Variants in ZNF705G observed in about 807,000 individuals in gnomAD.
The protein encoded by ZNF705G is zinc finger protein 705G, also known as putative zinc finger protein 705G.
Under a neutral mutation model 19.6 loss-of-function variants are expected in ZNF705G, and 23 were observed. The observed-to-expected ratio is 1.17, with a 90% confidence interval of 0.84 to 1.66. ZNF705G has a LOEUF of 1.66. Ranked by LOEUF, ZNF705G falls within the 40% of genes most tolerant of loss-of-function variation. ZNF705G has a pLI of 0.00. For synonymous variants in ZNF705G, 146 were observed against 117.7 expected (o/e 1.24, Z -1.56); for missense variants, 457 against 354.4 (o/e 1.29, Z -2.32).
At chr8:7,359,884 A>G (rs1426673781) in intron 5 of ZNF705G, among the ~76,000 whole-genome samples, 183 bp from the exon 6 acceptor site, 1 of 149,654 alleles carries the variant, frequency 6.7e-6, no homozygotes, top group Non-Finnish European at 1.5e-5. Context: ...AAATATTTTT[A>G]AAATTAAAAT....
chr8:7,359,549 T>C (rs1806472132), intron 6 of ZNF705G, 70 bp downstream of exon 6: 7 of 1,593,978 alleles, frequency 4.4e-6, no homozygotes, highest in Non-Finnish European at 5.1e-6. Flanking sequence ...GTGATTGTGC[T>C]TCATTACTAA....
rs1415291868 is a variant in ZNF705G at position 7,357,262 on chromosome 8, G to C, written c.*714C>G. On this transcript the variant is annotated 3_prime_UTR_variant, in exon 7 of 7. Coordinates refer to ENST00000400156, the MANE Select transcript of ZNF705G (RefSeq NM_001164457.3). ...TAACTTCTCCAGTAAGAAGTATTTGGTATTCCAAGAGAATTCATTGCCCTT... is the reference window on the plus strand; with the variant it reads ...TAACTTCTCCAGTAAGAAGTATTTGCTATTCCAAGAGAATTCATTGCCCTT... 3 of 151,318 alleles carry C rather than the reference G, an allele frequency of 2.0e-5. No homozygotes were observed. Among genetic ancestry groups the C allele is most frequent in the African/African-American group, 5.1e-5 (2 of 39,150 alleles). 9.4% of individuals were successfully genotyped at this position (151,318 alleles called of 1,614,324 possible). A position where few individuals can be genotyped will look rare whatever the true frequency, so the allele number is the denominator to read the frequency against.
intron 2 of ZNF705G, among the ~76,000 whole-genome samples, chr8:7,370,763 C>CAT (rs1237513450): frequency 8.0e-6 from 1 of 124,616 alleles, no homozygotes. Context: ...TACATGCACA[C>CAT]ATATGTTCAT....
intron 5 of ZNF705G, 122 bp from the exon 6 acceptor site, chr8:7,359,823 G>A: frequency 7.0e-7 from 1 of 1,419,820 alleles, no homozygotes. Flanking sequence ...TGTGTCAAAT[G>A]AAGAAACTAC....
intron 2 of ZNF705G, among the ~76,000 whole-genome samples, chr8:7,364,302 A>G (rs1410890213): frequency 1.3e-5 from 2 of 149,722 alleles, no homozygotes; most frequent in Non-Finnish European, 2.9e-5. Context: ...TATTTTATGT[A>G]CAAATGATAA....
At chr8:7,372,357 T>G (rs1223242402) in intron 2 of ZNF705G, among the ~76,000 whole-genome samples, 1 of 152,134 alleles carries the variant, frequency 6.6e-6, no homozygotes, top group Non-Finnish European at 1.5e-5. Flanking sequence ...CCAATAGATC[T>G]CGACCTTTAT....
rs545975457 is a variant in ZNF705G, at chr8:7,370,138, C to G, written c.-71-7121G>C. Among the ~76,000 whole-genome samples, 490 of 147,814 alleles carry G rather than the reference C, an allele frequency of 3.3e-3. 46 individuals are homozygous for G. Among genetic ancestry groups the G allele is most frequent in the African/African-American group, 0.012 (465 of 37,778 alleles). On this transcript the variant is annotated intron_variant, in intron 2 of 6. Transcript: ENST00000400156. ...TACAAAAAATTAGCTGGGCATGGTG[C>G]CGGGTGCCTGTAGTCCCAGCTACTT... is the stretch of plus-strand genomic sequence containing the variant.
At chr8:7,370,377 G>A (rs1319115691) in intron 2 of ZNF705G, among the ~76,000 whole-genome samples, 2 of 149,354 alleles carry the variant, frequency 1.3e-5, no homozygotes, top group Non-Finnish European at 2.9e-5. Flanking sequence ...AATCATCAGG[G>A]GGATGTAAAT....
intron 6 of ZNF705G, among the ~76,000 whole-genome samples, chr8:7,358,785 T>C (rs571368496): frequency 6.7e-6 from 1 of 149,494 alleles, no homozygotes; most frequent in South Asian, 2.1e-4. Context: ...CTCCCCCTTC[T>C]GGTTCCTAAA....
At chr8:7,369,242 G>T (rs1419855543) in intron 2 of ZNF705G, among the ~76,000 whole-genome samples, 2 of 149,524 alleles carry the variant, frequency 1.3e-5, no homozygotes, top group Non-Finnish European at 2.9e-5. Context: ...TGGGGACACA[G>T]AGCCAAACCA....
In ZNF705G at chr8:7,376,446, G is replaced by T. The variant is rs1176517490; in HGVS notation, c.-72+5006C>A. Reference sequence around the variant, plus strand: ...CTCTTACTGCCAAGAAGTTATCATGGAAAAGGTGCTCTGTGTTACATACAA... The same window carrying T: ...CTCTTACTGCCAAGAAGTTATCATGTAAAAGGTGCTCTGTGTTACATACAA... On this transcript the variant is annotated intron_variant, in intron 2 of 6. Transcript: ENST00000400156. Among the ~76,000 whole-genome samples the T allele has an allele frequency of 2.7e-5, 3 of 112,332 alleles. 1 individual carries two copies. Among genetic ancestry groups the T allele is most frequent in the African/African-American group, 1.2e-4 (3 of 25,466 alleles). The allele number at this position is 112,332 out of a possible 152,430, so 73.7% of individuals were successfully genotyped here. A position where few individuals can be genotyped will look rare whatever the true frequency, so the allele number is the denominator to read the frequency against.
chr8:7,365,030 T>A lies in ZNF705G; in HGVS notation c.-71-2013A>T, dbSNP rs12676217. 5.4e-5 allele frequency among the ~76,000 whole-genome samples: 8 copies of A among 149,048 alleles called. 1 individual carries two copies. The highest frequency in any genetic ancestry group is 1.8e-4 in the African/African-American group (7 of 38,650). On this transcript the variant is annotated intron_variant, in intron 2 of 6. Coordinates refer to ENST00000400156, the MANE Select transcript of ZNF705G (RefSeq NM_001164457.3). ...TGTGTAATTATAACCCAAACATGAA[T>A]GAAAAGTCATTTAACTGGTCATATA...
At chr8:7,363,635 A>G (rs1261524989) in intron 2 of ZNF705G, among the ~76,000 whole-genome samples, 2 of 149,464 alleles carry the variant, frequency 1.3e-5, no homozygotes, top group African/African-American at 2.6e-5. Flanking sequence ...AGCCTGGCCA[A>G]CATGGTGAAA....
intron 2 of ZNF705G, among the ~76,000 whole-genome samples, chr8:7,369,467 C>T (rs1267669652): frequency 6.7e-6 from 1 of 149,488 alleles, no homozygotes; most frequent in Non-Finnish European, 1.5e-5. Flanking sequence ...AATGGTAGAT[C>T]CACTGTCAGC....
Position 7,358,558 on chromosome 8 carries a change from C to A in ZNF705G, c.321G>T (p.Glu107Asp). The change falls in exon 7 of 7, where the codon GAG becomes GAT. Residue 107 changes from glutamate to aspartate, a missense_variant and splice_region_variant. Glu to Asp is a conservative substitution (Grantham distance 45). Transcript: ENST00000400156. Reference protein sequence around the residue: ...RKDASTSMTMENSLILEDPFE... With the variant: ...RKDASTSMTMDNSLILEDPFE... ...AAGGATCCTCCAGAATGAGAGAGTT[C>A]TCCTTTGGGGCAAATATTAAAAGCT... 1 of 1,607,394 alleles carries A rather than the reference C, an allele frequency of 6.2e-7. No individual in the cohort carries two copies.
At position 7,358,230 on chromosome 8, in the gene ZNF705G, T is replaced by A; in HGVS notation, c.649A>T (p.Arg217Ter). The change falls in exon 7 of 7, where the codon AGA (arginine) becomes TGA (stop). Residue 217 changes from arginine (R) to a stop codon, truncating the protein, a stop_gained. Transcript: ENST00000400156. LOFTEE classifies it high-confidence loss of function. ...KAFTQCSHLRRHEKTHTGQRP... is the reference protein window; with the variant it reads ...KAFTQCSHLR ...TGTCCCGTGTGAGTTTTCTCGTGTCTTCTAAGGTGAGAACACTGAGTGAAG... is the reference window on the plus strand; with the variant it reads ...TGTCCCGTGTGAGTTTTCTCGTGTCATCTAAGGTGAGAACACTGAGTGAAG... The A allele has an allele frequency of 6.2e-7, 1 of 1,607,654 alleles. No individual in the cohort carries two copies. Among genetic ancestry groups the A allele is most frequent in the Middle Eastern group, 2.3e-4 (1 of 4,422 alleles).
At chr8:7,383,574 G>C (rs1807601473) in intron 1 of ZNF705G, among the ~76,000 whole-genome samples, 1 of 146,714 alleles carries the variant, frequency 6.8e-6, no homozygotes, top group Non-Finnish European at 1.5e-5. Flanking sequence ...GCTGTGGCCT[G>C]AATGTTTGAA....
In ZNF705G at chr8:7,366,029, G is replaced by A. The variant is rs143329371; in HGVS notation, c.-71-3012C>T. On this transcript the variant is annotated intron_variant, in intron 2 of 6. Coordinates refer to ENST00000400156, the MANE Select transcript of ZNF705G (RefSeq NM_001164457.3). The stretch of plus-strand genomic sequence containing the variant: ...TGTTGAATGACATCTCAGGTGCTAG[G>A]GAAACAGCAGCTGACATTCTAGCAA... Among the ~76,000 whole-genome samples the A allele has an allele frequency of 2.8e-3, 417 of 149,530 alleles. 48 individuals are homozygous for A. Among genetic ancestry groups the A allele is most frequent in the African/African-American group, 0.01 (402 of 38,954 alleles).
chr8:7,369,509 C>T (rs1422530605), intron 2 of ZNF705G, among the ~76,000 whole-genome samples: 2 of 149,560 alleles, frequency 1.3e-5, no homozygotes, highest in Non-Finnish European at 2.9e-5. Flanking sequence ...GCTGCAGGCA[C>T]TCAACACTGG....
Sources: allele counts gnomAD v4.1 joint callset (sites outside exome capture counted in the v4.1 genomes callset), GRCh38; gene constraint gnomAD v4.1.1; transcripts MANE v1.5; gene names NCBI Gene and HGNC (gene_info 2026-07-23, HGNC 2026-07-21).